Variants in ATG7 observed in about 807,000 individuals in gnomAD.
ATG7 encodes ubiquitin-like modifier-activating enzyme ATG7.
In ATG7, 70 loss-of-function variants were observed where a neutral mutation model predicts 82.4. The ratio of observed to expected loss-of-function variants is 0.85; its 90% CI spans 0.70 to 1.04. ATG7 has a LOEUF of 1.04. Ranked by LOEUF, ATG7 falls within the 50% of genes least tolerant of loss-of-function variation. ATG7 has a pLI of 0.00. For synonymous variants in ATG7, 287 were observed against 313.0 expected, an observed-to-expected ratio of 0.92 and a Z score of 0.88; for missense variants, 792 against 864.3, an observed-to-expected ratio of 0.92 and a Z score of 1.05.
chr3:11,478,505 CTG>C (rs2088527069), intron 20 of ATG7, among the ~76,000 whole-genome samples: 1 of 152,190 alleles, frequency 6.6e-6, no homozygotes, highest in African/African-American at 2.4e-5. Context: ...GATTTGGAAT[CTG>C]GGGTTCCAGA....
At chr3:11,405,619 C>CT (rs773399891) in intron 19 of ATG7, among the ~76,000 whole-genome samples, 52 of 151,658 alleles carry the variant, frequency 3.4e-4, no homozygotes, top group South Asian at 8.3e-4. Flanking sequence ...TGTAGCATTT[C>CT]TTTTTTTTTA....
intron 5 of ATG7, among the ~76,000 whole-genome samples, chr3:11,303,513 C>CA (rs1425615981): frequency 6.6e-6 from 1 of 151,344 alleles, no homozygotes; most frequent in Admixed American, 6.6e-5. Flanking sequence ...ACTAAAAACA[C>CA]AAAAAATTAG....
At chr3:11,399,935 C>T (rs902186427) in intron 19 of ATG7, among the ~76,000 whole-genome samples, 6 of 152,164 alleles carry the variant, frequency 3.9e-5, no homozygotes, top group African/African-American at 1.4e-4. Context: ...GTTGTAGTTA[C>T]ACAGATGGTC....
At chr3:11,573,331 G>C in the ATG7 span, among the ~76,000 whole-genome samples, 5 of 50,034 alleles carry the variant, frequency 1.0e-4, no homozygotes, top group East Asian at 1.5e-3. Flanking sequence ...AAGAAAGAAA[G>C]AAAGAAAGAA....
chr3:11,285,560 C>T (rs1349950793), intron 3 of ATG7, among the ~76,000 whole-genome samples: 1 of 151,994 alleles, frequency 6.6e-6, no homozygotes, highest in Non-Finnish European at 1.5e-5. Context: ...AGGTATATGC[C>T]TTGTAACCAC....
intron 11 of ATG7, among the ~76,000 whole-genome samples, chr3:11,335,942 C>T (rs1371692043): frequency 6.6e-6 from 1 of 151,874 alleles, no homozygotes; most frequent in Non-Finnish European, 1.5e-5. Flanking sequence ...CATGATCCAC[C>T]CGCCTCGGCC....
At chr3:11,333,210 G>T in intron 11 of ATG7, 117 bp downstream of exon 11, 1 of 1,326,222 alleles carries the variant, frequency 7.5e-7, no homozygotes. Context: ...AGTACAACTT[G>T]TACCTCTTTG....
chr3:11,426,719 G>T, intron 19 of ATG7, 85 bp from the exon 20 acceptor site: 3 of 1,280,002 alleles, frequency 2.3e-6, no homozygotes, highest in Admixed American at 3.0e-5. Context: ...TTTTATTTTT[G>T]ACAAGAGCTT....
the ATG7 span, among the ~76,000 whole-genome samples, chr3:11,566,767 C>T: frequency 3.3e-5 from 5 of 152,160 alleles, no homozygotes; most frequent in Non-Finnish European, 7.4e-5. Flanking sequence ...GAATCCATCC[C>T]CCACCGTCAA....
rs752893563 is a variant in ATG7, at chr3:11,426,849, G to T, written c.2002G>T (p.Val668Leu). The T allele has an allele frequency of 6.2e-7, 1 of 1,611,470 alleles. No homozygotes were observed. The change falls in exon 20 of 21, where the codon GTG (valine) becomes TTG (leucine). Residue 668 changes from valine to leucine, a missense_variant. By Grantham distance (32) the Val-to-Leu change is conservative (BLOSUM62 1). Coordinates refer to ENST00000693202, the MANE Select transcript of ATG7 (RefSeq NM_001349232.2). ...AGAAGGATTTAACTTCCTAGCCAAG[G>T]TGTTTAATTCTTCACATTCCTTCTT... The part of the protein sequence containing the change: ...EREGFNFLAK[V>L]FNSSHSFLED...
At chr3:11,553,522 C>T (rs1166663192) in intron 20 of ATG7, among the ~76,000 whole-genome samples, 1 of 152,084 alleles carries the variant, frequency 6.6e-6, no homozygotes, top group Non-Finnish European at 1.5e-5. Context: ...AAACACAGCT[C>T]CCCTGCCCTG....
intron 20 of ATG7, among the ~76,000 whole-genome samples, chr3:11,482,235 G>A (rs781031147): frequency 3.9e-5 from 6 of 152,204 alleles, no homozygotes; most frequent in South Asian, 2.1e-4. Flanking sequence ...TTGGCTGGGC[G>A]CCACAGCAGC....
the ATG7 span, among the ~76,000 whole-genome samples, chr3:11,571,650 G>A: frequency 3.7e-4 from 56 of 152,304 alleles, no homozygotes; most frequent in African/African-American, 1.3e-3. Flanking sequence ...CTGGGCAACA[G>A]GGTAAGACCC....
intron 20 of ATG7, among the ~76,000 whole-genome samples, chr3:11,519,126 A>G (rs2092365147): frequency 6.6e-6 from 1 of 152,168 alleles, no homozygotes; most frequent in African/African-American, 2.4e-5. Flanking sequence ...GTGAGCTGTT[A>G]TTATTTGAAA....
intron 20 of ATG7, chr3:11,446,651 AC>A (rs1429788167): frequency 4.2e-6 from 1 of 235,890 alleles, no homozygotes; most frequent in Non-Finnish European, 8.6e-6. Context: ...GCCTGACCAG[AC>A]TGAATTCATG....
intron 11 of ATG7, among the ~76,000 whole-genome samples, chr3:11,336,332 C>T (rs1952483766): frequency 6.6e-6 from 1 of 152,000 alleles, no homozygotes; most frequent in South Asian, 2.1e-4. Flanking sequence ...CACGTCCAGC[C>T]GATGCTGACA....
At chr3:11,509,868 G>A (rs114946926) in intron 20 of ATG7, among the ~76,000 whole-genome samples, 47 of 152,252 alleles carry the variant, frequency 3.1e-4, no homozygotes, top group African/African-American at 1.1e-3. Context: ...GGCAGCCAGC[G>A]CTCCATACTT....
intron 20 of ATG7, among the ~76,000 whole-genome samples, chr3:11,496,753 T>C (rs1255809370): frequency 6.6e-6 from 1 of 152,216 alleles, no homozygotes; most frequent in African/African-American, 2.4e-5. Context: ...GGATGTATTA[T>C]CATACTTTCT....
chr3:11,445,089 T>C (rs1191667841), intron 20 of ATG7, among the ~76,000 whole-genome samples: 1 of 152,220 alleles, frequency 6.6e-6, no homozygotes, highest in East Asian at 1.9e-4. Context: ...AAGGAACGCT[T>C]ATACACTATT....
Sources: gnomAD v4.1 joint callset for allele counts (sites outside exome capture counted in the v4.1 genomes callset) on GRCh38, gnomAD v4.1.1 for gene constraint, MANE v1.5 for transcripts, NCBI Gene and HGNC (gene_info 2026-07-23, HGNC 2026-07-21) for gene names.